Variants in SYCE1L observed in about 807,000 individuals in gnomAD.
The protein encoded by SYCE1L is synaptonemal complex central element protein 1 like, also known as synaptonemal complex central element protein 1-like.
In SYCE1L, 51 loss-of-function variants were observed where a neutral mutation model predicts 39.6. The ratio of observed to expected loss-of-function variants is 1.29; its 90% CI spans 1.03 to 1.63. SYCE1L has a LOEUF of 1.63. SYCE1L is among the 40% of genes most tolerant of loss of function. The pLI is 0.00. For missense variants in SYCE1L, 426 were observed against 304.9 expected, an observed-to-expected ratio of 1.40 and a Z score of -2.96; for synonymous variants, 147 against 122.4, an observed-to-expected ratio of 1.20 and a Z score of -1.33.
chr16:77,212,916 C>T lies in SYCE1L; in HGVS notation c.714C>T (p.Ala238=). Reference sequence around the variant, plus strand: ...AGGATCCCGAGCCGCCGGTGGCTGCCCCTGACGCCCTCTAGGCCAGCAGGA... The same window carrying T: ...AGGATCCCGAGCCGCCGGTGGCTGCTCCTGACGCCCTCTAGGCCAGCAGGA... The part of the protein sequence containing the change: ...DEEDPEPPVA[A]PDAL The change falls in exon 11 of 11, where the codon GCC becomes GCT. Residue 238 remains alanine, a synonymous_variant. Coordinates refer to ENST00000378644, the MANE Select transcript of SYCE1L (RefSeq NM_001129979.3). 6.5e-7 allele frequency: 1 copy of T among 1,530,458 alleles called. No homozygotes were observed. Among genetic ancestry groups the T allele is most frequent in the South Asian group, 1.2e-5 (1 of 82,804 alleles). 94.8% of individuals were successfully genotyped at this position (1,530,458 alleles called of 1,614,324 possible). A position where few individuals can be genotyped will look rare whatever the true frequency, so the allele number is the denominator to read the frequency against.
At chr16:77,203,864 G>A (rs1205938089) in intron 1 of SYCE1L, among the ~76,000 whole-genome samples, 1 of 151,996 alleles carries the variant, frequency 6.6e-6, no homozygotes, top group Admixed American at 6.6e-5. Flanking sequence ...CAAAGTGCTG[G>A]GATTACAGGC....
At chr16:77,212,498 C>T (rs1597039847) in intron 9 of SYCE1L, 76 bp from the exon 10 acceptor site, 2 of 1,538,630 alleles carry the variant, frequency 1.3e-6, no homozygotes, top group Admixed American at 2.0e-5. Flanking sequence ...GTCGGGTCTC[C>T]GCGTCTCGGT....
At position 77,211,271 on chromosome 16, in the gene SYCE1L, T is replaced by C. The variant is rs1050442059; in HGVS notation, c.418T>C (p.Phe140Leu). 2.6e-6 allele frequency: 4 copies of C among 1,551,782 alleles called. No homozygotes were observed. In the East Asian group the frequency reaches 9.8e-5, roughly 38 times the overall value. Residue 140 changes from phenylalanine (F) to leucine (L), a missense_variant, in exon 7 of 11, where the codon TTC (phenylalanine) becomes CTC (leucine). Phe to Leu is a conservative substitution (Grantham distance 22). Coordinates refer to ENST00000378644, the MANE Select transcript of SYCE1L (RefSeq NM_001129979.3). ...LMGQHKDLWE[F>L]HMLEQRLARE... Reference sequence around the variant, plus strand: ...GGGCCAGCACAAGGACCTCTGGGAATTCCACGTGAGCCATTATCATTGCCT... The same window carrying C: ...GGGCCAGCACAAGGACCTCTGGGAACTCCACGTGAGCCATTATCATTGCCT...
Position 77,213,025 on chromosome 16 carries a change from C to A in SYCE1L, c.*94C>A. On this transcript the variant is annotated 3_prime_UTR_variant, in exon 11 of 11. Coordinates refer to ENST00000378644, the MANE Select transcript of SYCE1L (RefSeq NM_001129979.3). ...ACCATGCTCGCGTTCTCCGCGGAGT[C>A]TGTGCTACACCGTGGAGCGGGGCGG... 2.5e-6 allele frequency: 3 copies of A among 1,207,454 alleles called. No individual in the cohort carries two copies. Among genetic ancestry groups the A allele is most frequent in the South Asian group, 2.1e-5 (1 of 47,170 alleles). The allele number at this position is 1,207,454 out of a possible 1,614,324, so 74.8% of individuals were successfully genotyped here.
chr16:77,213,195 G>C lies in SYCE1L; in HGVS notation c.*264G>C. ...ATCCCCCGCCCCACGGCCTCATCTCGAGTTCCCAAACCATCTATGTTGTCA... is the reference window on the plus strand; with the variant it reads ...ATCCCCCGCCCCACGGCCTCATCTCCAGTTCCCAAACCATCTATGTTGTCA... On this transcript the variant is annotated 3_prime_UTR_variant, in exon 11 of 11. Transcript: ENST00000378644. 2 of 377,716 alleles carry C rather than the reference G, an allele frequency of 5.3e-6. No individual in the cohort carries two copies. Among genetic ancestry groups the C allele is most frequent in the Non-Finnish European group, 9.4e-6 (2 of 212,752 alleles). The allele number at this position is 377,716 out of a possible 1,614,324, so 23.4% of individuals were successfully genotyped here. A position where few individuals can be genotyped will look rare whatever the true frequency, so the allele number is the denominator to read the frequency against.
rs186704671 is a variant in SYCE1L, at chr16:77,212,689, G to C, written c.654+43G>C. The C allele has an allele frequency of 8.6e-3, 12,866 of 1,498,690 alleles. 74 individuals carry two copies. Among genetic ancestry groups the C allele is most frequent in the Non-Finnish European group, 0.011 (12,254 of 1,128,064 alleles). The allele number at this position is 1,498,690 out of a possible 1,614,324, so 92.8% of individuals were successfully genotyped here. On this transcript the variant is annotated intron_variant, in intron 10 of 10. Coordinates refer to ENST00000378644, the MANE Select transcript of SYCE1L (RefSeq NM_001129979.3). ...GGGAGGCGGGGCGGGCAGGGACCGA[G>C]TCAGGAGAGAGCGGGCGGGGGTCCT...
At chr16:77,199,688 T>A (rs2054709617) in intron 1 of SYCE1L, 176 bp downstream of exon 1, 1 of 573,440 alleles carries the variant, frequency 1.7e-6, no homozygotes, top group Admixed American at 3.2e-5. Context: ...GGAGATAAAT[T>A]AACAGGCATA....
In SYCE1L at chr16:77,212,351, C is replaced by T. The variant is rs1223226686; in HGVS notation, c.563C>T (p.Ala188Val). 1.3e-6 allele frequency: 2 copies of T among 1,527,382 alleles called. No individual in the cohort carries two copies. Among genetic ancestry groups the T allele is most frequent in the East Asian group, 2.5e-5 (1 of 40,288 alleles). 94.6% of individuals were successfully genotyped at this position (1,527,382 alleles called of 1,614,324 possible). A position where few individuals can be genotyped will look rare whatever the true frequency, so the allele number is the denominator to read the frequency against. ...RLHSPPEVEG[A>V]MAVNDGLKAE... is the part of the protein sequence containing the mutation. ...CACTCGCCGCCTGAGGTCGAGGGCG[C>T]CATGGCGGTGAATGACGGGTGAGAG... is the stretch of plus-strand genomic sequence containing the variant. The change falls in exon 9 of 11, where the codon GCC (alanine) becomes GTC (valine). Residue 188 changes from alanine to valine, a missense_variant. Physicochemically the swap from Ala to Val is moderately conservative, Grantham distance 64 (BLOSUM62 0). Transcript: ENST00000378644.
chr16:77,207,565 C>T (rs552267108), intron 2 of SYCE1L, among the ~76,000 whole-genome samples: 1 of 152,316 alleles, frequency 6.6e-6, no homozygotes, highest in Admixed American at 6.5e-5. Flanking sequence ...AGAGTGACAA[C>T]CCTTCCTGCC....
chr16:77,208,566 T>C, intron 4 of SYCE1L, 27 bp downstream of exon 4: 2 of 1,549,452 alleles, frequency 1.3e-6, no homozygotes, highest in Non-Finnish European at 1.7e-6. Flanking sequence ...GAGGGACCCA[T>C]CAACACTGCA....
chr16:77,210,509 A>T (rs11863718), intron 6 of SYCE1L, among the ~76,000 whole-genome samples: 4,960 of 152,176 alleles, frequency 0.033, 96 homozygotes, highest in African/African-American at 0.048. Context: ...TAATCCTCAC[A>T]ATGATAATTA....
At chr16:77,200,859 G>A (rs1597380934) in intron 1 of SYCE1L, 1 of 151,846 alleles carries the variant, frequency 6.6e-6, no homozygotes, top group Admixed American at 6.6e-5. Flanking sequence ...GTGTACCAAC[G>A]TAGAGAAAAT....
intron 1 of SYCE1L, chr16:77,199,860 A>G (rs1237610465): frequency 5.0e-6 from 1 of 198,320 alleles, no homozygotes; most frequent in East Asian, 1.3e-4. Flanking sequence ...AGTAATTCCC[A>G]GTGTCGCCAT....
intron 1 of SYCE1L, among the ~76,000 whole-genome samples, chr16:77,204,380 G>A (rs1467691439): frequency 6.6e-6 from 1 of 152,184 alleles, no homozygotes; most frequent in Non-Finnish European, 1.5e-5. Flanking sequence ...TAGTTAAGAT[G>A]AGGTCACACT....
intron 4 of SYCE1L, 39 bp downstream of exon 4, chr16:77,208,578 A>G: frequency 6.5e-7 from 1 of 1,545,124 alleles, no homozygotes; most frequent in Non-Finnish European, 8.8e-7. Context: ...AACACTGCAG[A>G]TGTTCCTGTG....
At position 77,213,120 on chromosome 16, in the gene SYCE1L, A is replaced by C. The variant is rs2054838988; in HGVS notation, c.*189A>C. ...ACCAGTCGAGCCCCGGGCGCCGTACAGAGGCTGGGTAAATGCTCCTGAACT... is the reference window on the plus strand; with the variant it reads ...ACCAGTCGAGCCCCGGGCGCCGTACCGAGGCTGGGTAAATGCTCCTGAACT... On this transcript the variant is annotated 3_prime_UTR_variant, in exon 11 of 11. Transcript: ENST00000378644. 6.0e-6 allele frequency: 3 copies of C among 497,688 alleles called. No homozygotes were observed. Among genetic ancestry groups the C allele is most frequent in the African/African-American group, 2.0e-5 (1 of 50,252 alleles). 30.8% of individuals were successfully genotyped at this position (497,688 alleles called of 1,614,324 possible). A position where few individuals can be genotyped will look rare whatever the true frequency, so the allele number is the denominator to read the frequency against.
intron 1 of SYCE1L, chr16:77,201,325 A>T (rs999717855): frequency 2.0e-5 from 3 of 152,234 alleles, no homozygotes; most frequent in African/African-American, 2.4e-5. Flanking sequence ...ATTAAAAAAA[A>T]AATTTTAGTA....
chr16:77,199,523 C>T lies in SYCE1L; in HGVS notation c.61+11C>T, dbSNP rs1398320575. ...CTGAGGAGGCTGAAGGTAGTGAGGG[C>T]AAGTGGGCTGCACTCCTTTCTCTCC... On this transcript the variant is annotated intron_variant, in intron 1 of 10. Coordinates refer to ENST00000378644, the MANE Select transcript of SYCE1L (RefSeq NM_001129979.3). The T allele has an allele frequency of 1.3e-6, 2 of 1,549,368 alleles. No individual in the cohort carries two copies. Among genetic ancestry groups the T allele is most frequent in the South Asian group, 1.2e-5 (1 of 83,986 alleles).
rs192931737 is a variant in SYCE1L, at chr16:77,200,884, C to T, written c.61+1372C>T. ...GTAGAGAAAATAGCTTTAAACAAAG[C>T]CCATGTGTACCTATCAGTATGCTTT... On this transcript the variant is annotated intron_variant, in intron 1 of 10. Coordinates refer to ENST00000378644, the MANE Select transcript of SYCE1L (RefSeq NM_001129979.3). 23 of 152,064 alleles carry T rather than the reference C, an allele frequency of 1.5e-4. No homozygotes were observed. In the East Asian group the frequency reaches 3.7e-3, roughly 24 times the overall value. The allele number at this position is 152,064 out of a possible 1,614,324, so 9.4% of individuals were successfully genotyped here. A position where few individuals can be genotyped will look rare whatever the true frequency, so the allele number is the denominator to read the frequency against.
Sources: allele counts gnomAD v4.1 joint callset (sites outside exome capture counted in the v4.1 genomes callset), GRCh38; gene constraint gnomAD v4.1.1; transcripts MANE v1.5; gene names NCBI Gene and HGNC (gene_info 2026-07-23, HGNC 2026-07-21).